SGCZ: variants seen among roughly 807,000 people sequenced by gnomAD.
SGCZ encodes the protein zeta-sarcoglycan.
A neutral mutation model predicts 41.3 loss-of-function variants in SGCZ; 40 were observed. The observed-to-expected ratio is 0.97, with a 90% CI of 0.75 to 1.26. SGCZ has a LOEUF of 1.26. Among genes scored for constraint, SGCZ ranks in the 50% most tolerant of loss-of-function variants. The pLI, the probability that SGCZ is intolerant of heterozygous loss-of-function variation, is 0.00. For missense variants in SGCZ, 552 were observed against 369.8 expected, an observed-to-expected ratio of 1.49 and a Z score of -4.04; for synonymous variants, 206 against 137.5, an observed-to-expected ratio of 1.50 and a Z score of -3.49.
chr8:14,271,008 G>A (rs1800040059), intron 3 of SGCZ, among the ~76,000 whole-genome samples: 1 of 152,104 alleles, frequency 6.6e-6, no homozygotes. Context: ...GAGAACGCAA[G>A]GACACAGGAA....
At chr8:14,785,033 A>T (rs901415158) in intron 1 of SGCZ, among the ~76,000 whole-genome samples, 1 of 147,368 alleles carries the variant, frequency 6.8e-6, no homozygotes, top group Non-Finnish European at 1.5e-5. Flanking sequence ...CTGATCAAGA[A>T]AAAGGATTTG....
At chr8:14,868,877 A>C (rs1804035463) in intron 1 of SGCZ, among the ~76,000 whole-genome samples, 1 of 152,134 alleles carries the variant, frequency 6.6e-6, no homozygotes, top group Non-Finnish European at 1.5e-5. Context: ...CACCCTCCCA[A>C]GGCTAAACCA....
intron 1 of SGCZ, among the ~76,000 whole-genome samples, chr8:14,701,111 G>C (rs974390487): frequency 6.6e-6 from 1 of 151,894 alleles, no homozygotes; most frequent in Non-Finnish European, 1.5e-5. Context: ...AAGCTATCCA[G>C]AACAAAATTC....
rs371349352 is a variant in SGCZ, at chr8:14,669,828, A to C, written c.40-114902T>G. 2.8e-4 allele frequency among the ~76,000 whole-genome samples: 43 copies of C among 152,190 alleles called. 1 individual carries two copies. The East Asian group carries it at 6.6e-3, about 23-fold the overall frequency. Reference sequence around the variant, plus strand: ...ATGGGAGTGCAGATATCTCATCGAGATCCTCACTTTACTTCCTTTAGATAT... The same window carrying C: ...ATGGGAGTGCAGATATCTCATCGAGCTCCTCACTTTACTTCCTTTAGATAT... On this transcript the variant is annotated intron_variant, in intron 1 of 7. Transcript: ENST00000382080.
chr8:14,579,335 T>A (rs540755815), intron 1 of SGCZ, among the ~76,000 whole-genome samples: 33 of 152,332 alleles, frequency 2.2e-4, no homozygotes, highest in African/African-American at 7.2e-4. Context: ...ATGTAAATTA[T>A]AAAACAGAAA....
chr8:14,233,186 T>C (rs1316055870), intron 4 of SGCZ, among the ~76,000 whole-genome samples: 4 of 152,030 alleles, frequency 2.6e-5, no homozygotes, highest in South Asian at 2.1e-4. Flanking sequence ...ATCCTTCAGC[T>C]ATAGACTGAC....
At chr8:14,552,717 G>C (rs1563405901) in intron 2 of SGCZ, among the ~76,000 whole-genome samples, 1 of 152,050 alleles carries the variant, frequency 6.6e-6, no homozygotes, top group Non-Finnish European at 1.5e-5. Context: ...TGATTTAACA[G>C]GGATGGCTTA....
intron 4 of SGCZ, among the ~76,000 whole-genome samples, chr8:14,167,482 A>C (rs1258025177): frequency 6.6e-6 from 1 of 152,186 alleles, no homozygotes; most frequent in East Asian, 1.9e-4. Flanking sequence ...CAACTTGCTA[A>C]CTAAAGTACC....
intron 1 of SGCZ, among the ~76,000 whole-genome samples, chr8:14,624,774 T>C (rs563913370): frequency 2.6e-5 from 4 of 151,804 alleles, no homozygotes; most frequent in East Asian, 2.0e-4. Flanking sequence ...TTTCACCATG[T>C]TGGCCAGGCT....
At chr8:14,632,856 G>A (rs1806704799) in intron 1 of SGCZ, among the ~76,000 whole-genome samples, 1 of 151,594 alleles carries the variant, frequency 6.6e-6, no homozygotes, top group African/African-American at 2.4e-5. Flanking sequence ...ATAAATGAAT[G>A]GATAAAGGTA....
chr8:14,650,777 C>G (rs1335635281), intron 1 of SGCZ, among the ~76,000 whole-genome samples: 1 of 152,002 alleles, frequency 6.6e-6, no homozygotes, highest in Non-Finnish European at 1.5e-5. Context: ...TGACCCCTAC[C>G]TACTCCGGCT....
chr8:14,952,623 G>A (rs531207277), intron 1 of SGCZ, among the ~76,000 whole-genome samples: 1 of 152,240 alleles, frequency 6.6e-6, no homozygotes, highest in African/African-American at 2.4e-5. Flanking sequence ...GTAGAACTAT[G>A]GCCAGGATGA....
chr8:14,629,265 T>A (rs967597733), intron 1 of SGCZ, among the ~76,000 whole-genome samples: 2 of 151,580 alleles, frequency 1.3e-5, no homozygotes, highest in African/African-American at 4.8e-5. Flanking sequence ...GATTTGCATA[T>A]CAATAAATCA....
chr8:14,517,763 T>G (rs1417241522), intron 2 of SGCZ, among the ~76,000 whole-genome samples: 2 of 151,956 alleles, frequency 1.3e-5, no homozygotes, highest in African/African-American at 4.8e-5. Flanking sequence ...ATTCATGCTT[T>G]TAGCTCTTCA....
chr8:14,312,236 G>C (rs1228827742), intron 3 of SGCZ, among the ~76,000 whole-genome samples: 1 of 152,174 alleles, frequency 6.6e-6, no homozygotes, highest in Non-Finnish European at 1.5e-5. Flanking sequence ...TCTTACTGTG[G>C]TTCAAATTCA....
intron 1 of SGCZ, among the ~76,000 whole-genome samples, chr8:14,631,886 A>G (rs1380251832): frequency 6.6e-6 from 1 of 152,186 alleles, no homozygotes; most frequent in African/African-American, 2.4e-5. Context: ...CACTATTTGT[A>G]TAATACTAAG....
intron 1 of SGCZ, among the ~76,000 whole-genome samples, chr8:14,632,617 T>C (rs1316896286): frequency 6.6e-6 from 1 of 151,944 alleles, no homozygotes; most frequent in Non-Finnish European, 1.5e-5. Context: ...ATTTACTGAA[T>C]ACTTTTCAGA....
rs190961214 is a variant in SGCZ, at chr8:14,857,122, C to T, written c.40-302196G>A. 1.4e-3 allele frequency among the ~76,000 whole-genome samples: 219 copies of T among 152,144 alleles called. 1 individual carries two copies. Among genetic ancestry groups the T allele is most frequent in the African/African-American group, 5.1e-3 (213 of 41,524 alleles). On this transcript the variant is annotated intron_variant, in intron 1 of 7. Coordinates refer to ENST00000382080, the MANE Select transcript of SGCZ (RefSeq NM_139167.4). ...AGATCTGGTGTTTAAAAGTGCGTAG[C>T]GCCTCCCTCCTCTCTCTTGTTCATG...
chr8:14,107,145 G>T (rs1802229780), intron 6 of SGCZ, among the ~76,000 whole-genome samples: 1 of 151,934 alleles, frequency 6.6e-6, no homozygotes, highest in South Asian at 2.1e-4. Context: ...GAACCTGCGA[G>T]GCGGAGCTTG....
Sources: gnomAD v4.1 joint callset for allele counts (sites outside exome capture counted in the v4.1 genomes callset) on GRCh38, gnomAD v4.1.1 for gene constraint, MANE v1.5 for transcripts, NCBI Gene and HGNC (gene_info 2026-07-23, HGNC 2026-07-21) for gene names.